COL18A1: variants seen among roughly 807,000 people sequenced by gnomAD.
COL18A1 encodes collagen type XVIII alpha 1 chain.
COL18A1 carries 133 observed loss-of-function variants against 168.0 expected under a neutral mutation model. The observed-to-expected ratio is 0.79, with a 90% CI of 0.69 to 0.91. The LOEUF (loss-of-function observed/expected upper bound fraction) is 0.91. COL18A1 is among the 40% of genes least tolerant of loss of function. The pLI is 0.00. For synonymous variants in COL18A1, 949 were observed against 809.0 expected, an observed-to-expected ratio of 1.17 and a Z score of -2.94; for missense variants, 2,126 against 1,925.4, an observed-to-expected ratio of 1.10 and a Z score of -1.95.
intron 37 of COL18A1, chr21:45,506,472 G>A (rs1451873131): frequency 7.6e-6 from 2 of 261,596 alleles, no homozygotes; most frequent in Non-Finnish European, 1.5e-5. Flanking sequence ...ACACACCTGG[G>A]ATTGCCCCTT....
intron 22 of COL18A1, among the ~76,000 whole-genome samples, chr21:45,491,990 A>G (rs1194379853): frequency 2.0e-5 from 3 of 152,286 alleles, no homozygotes; most frequent in Admixed American, 1.3e-4. Context: ...CAGAGCTGAG[A>G]GCAGGCACCG....
rs554244482 is a variant in COL18A1, at chr21:45,449,261, G to A, written c.107-18981G>A. 9.2e-5 allele frequency among the ~76,000 whole-genome samples: 14 copies of A among 152,304 alleles called. No homozygotes were observed. In the East Asian group the frequency reaches 1.7e-3, roughly 19 times the overall value. ...TGGCTCACATGGGCTTCCAGCTGCC[G>A]CCGGCCAGGTGCGGGGAGAAGAGGC... On this transcript the variant is annotated intron_variant, in intron 2 of 41. Transcript: ENST00000651438.
chr21:45,443,863 G>A lies in COL18A1; in HGVS notation c.107-24379G>A, dbSNP rs143519047. Among the ~76,000 whole-genome samples, 5 of 152,300 alleles carry A rather than the reference G, an allele frequency of 3.3e-5. No individual in the cohort carries two copies. Among genetic ancestry groups the A allele is most frequent in the African/African-American group, 9.6e-5 (4 of 41,554 alleles). ...CATGATCCCCTAGATGCGTCCGAGG[G>A]ACACTGGACATCTGGTGGCCCTCCA... On this transcript the variant is annotated intron_variant, in intron 2 of 41. Transcript: ENST00000651438. The surrounding 1 kb of genome is among the most constrained non-coding windows in gnomAD (Gnocchi z 5.2).
chr21:45,503,664 A>T (rs1002189543), intron 32 of COL18A1, among the ~76,000 whole-genome samples: 2 of 149,152 alleles, frequency 1.3e-5, no homozygotes, highest in Admixed American at 6.7e-5. Flanking sequence ...GAGGGATAGC[A>T]TTGGGAGATA....
chr21:45,510,025 G>C, intron 39 of COL18A1, 39 bp from the exon 40 acceptor site: 1 of 1,535,382 alleles, frequency 6.5e-7, no homozygotes, highest in Non-Finnish European at 8.7e-7. Flanking sequence ...GCAGGGGGCA[G>C]CGTGGGACAC....
In COL18A1 at chr21:45,473,341, G is replaced by A. The variant is rs191840081; in HGVS notation, c.652-554G>A. Among the ~76,000 whole-genome samples the A allele has an allele frequency of 1.8e-3, 273 of 152,360 alleles. No homozygotes were observed. Among genetic ancestry groups the A allele is most frequent in the Middle Eastern group, 3.4e-3 (1 of 294 alleles). On this transcript the variant is annotated intron_variant, in intron 3 of 41. Transcript: ENST00000651438. This position sits in a 1 kb window ranked among gnomAD's most constrained non-coding sequence, Gnocchi z 4.0. Reference sequence around the variant, plus strand: ...GAGTGAGTGAGATTGGGTCCGGACGGAATGGGCGCAGAGATCCAGGAAACT... The same window carrying A: ...GAGTGAGTGAGATTGGGTCCGGACGAAATGGGCGCAGAGATCCAGGAAACT...
At chr21:45,410,969 G>C (rs1457958795) in intron 2 of COL18A1, among the ~76,000 whole-genome samples, 3 of 152,248 alleles carry the variant, frequency 2.0e-5, no homozygotes, top group Non-Finnish European at 4.4e-5. Flanking sequence ...ACACCCTATG[G>C]CCTCAGGAAC....
intron 2 of COL18A1, among the ~76,000 whole-genome samples, chr21:45,451,147 C>T (rs1041339850): frequency 3.9e-5 from 6 of 152,220 alleles, no homozygotes; most frequent in East Asian, 1.9e-4. Context: ...AGAGTGGCTG[C>T]GTGCGGGTAG....
chr21:45,491,311 G>A lies in COL18A1; in HGVS notation c.2154G>A (p.Gln718=). 2 of 1,610,512 alleles carry A rather than the reference G, an allele frequency of 1.2e-6. No individual in the cohort carries two copies. The highest frequency in any genetic ancestry group is 1.1e-5 in the South Asian group (1 of 90,982). ...GACCTGTGGTCTACGTGTCGGAGCA[G>A]GACGTAAGGACGCTGCGTGGGTGGG... The part of the protein sequence containing the change: ...PPGPVVYVSE[Q]DGSVLSVPGP... The change falls in exon 22 of 42, where the codon CAG becomes CAA. Residue 718 remains glutamine, a synonymous_variant. Coordinates refer to ENST00000651438, the MANE Select transcript of COL18A1 (RefSeq NM_001379500.1).
chr21:45,437,590 ACACT>A (rs1329270299), intron 2 of COL18A1, among the ~76,000 whole-genome samples: 1 of 80,164 alleles, frequency 1.2e-5, no homozygotes, highest in Admixed American at 1.2e-4. Context: ...GTACACACAC[ACACT>A]CACACACTCA....
intron 38 of COL18A1, among the ~76,000 whole-genome samples, chr21:45,508,684 A>C (rs1479578645): frequency 6.6e-6 from 1 of 152,146 alleles, no homozygotes; most frequent in East Asian, 1.9e-4. Flanking sequence ...CTGTCTCCTC[A>C]CAGGGTTCAG....
chr21:45,486,883 C>T lies in COL18A1; in HGVS notation c.1724C>T (p.Pro575Leu), dbSNP rs1006847529. Reference protein sequence around the residue: ...GHKGSKGAPGPAGARGESGLA... With the variant: ...GHKGSKGAPGLAGARGESGLA... ...CAGGGGAGCAAGGGAGCCCCCGGTC[C>T]TGCTGGTGCTCGTGGGGAGAGCGGC... The change falls in exon 16 of 42, where the codon CCT (proline) becomes CTT (leucine). Residue 575 changes from proline to leucine, a missense_variant. Pro to Leu is a moderately conservative substitution (Grantham distance 98). Transcript: ENST00000651438. The T allele has an allele frequency of 2.6e-6, 4 of 1,528,668 alleles. No homozygotes were observed. The highest frequency in any genetic ancestry group is 3.5e-6 in the Non-Finnish European group (4 of 1,138,172). 94.7% of individuals were successfully genotyped at this position (1,528,668 alleles called of 1,614,324 possible).
intron 2 of COL18A1, among the ~76,000 whole-genome samples, chr21:45,440,659 G>C (rs1218479160): frequency 6.6e-6 from 1 of 151,772 alleles, no homozygotes; most frequent in Non-Finnish European, 1.5e-5. Context: ...GCTGGGGTTT[G>C]AGCCACGTTC....
intron 2 of COL18A1, among the ~76,000 whole-genome samples, chr21:45,414,216 C>T (rs1222405022): frequency 6.6e-6 from 1 of 152,182 alleles, no homozygotes; most frequent in Admixed American, 6.5e-5. Flanking sequence ...CCATGGTGTG[C>T]CTGTGCCTGG....
At chr21:45,418,167 C>A (rs1254626801) in intron 2 of COL18A1, among the ~76,000 whole-genome samples, 4 of 152,260 alleles carry the variant, frequency 2.6e-5, no homozygotes, top group African/African-American at 9.6e-5. Flanking sequence ...GGCTCTGACT[C>A]CGAGCTCTTT....
chr21:45,501,887 C>T (rs1329676521), intron 32 of COL18A1, among the ~76,000 whole-genome samples: 2 of 116,754 alleles, frequency 1.7e-5, no homozygotes, highest in Non-Finnish European at 3.7e-5. Context: ...CGGTCACCTC[C>T]CTCTGCAGAA....
In COL18A1 at chr21:45,441,541, C is replaced by T. The variant is rs1287982480; in HGVS notation, c.107-26701C>T. On this transcript the variant is annotated intron_variant, in intron 2 of 41. Transcript: ENST00000651438. ...GGTGCCCCCACCGGGTCCTCCAGTC[C>T]TGCTGCCCGGTGGCTCTGGCCATGG... is the stretch of plus-strand genomic sequence containing the variant. Among the ~76,000 whole-genome samples, 6 of 152,324 alleles carry T rather than the reference C, an allele frequency of 3.9e-5. No individual in the cohort carries two copies. In the East Asian group the frequency reaches 9.7e-4, roughly 25 times the overall value.
At chr21:45,493,274 G>A in intron 25 of COL18A1, 49 bp downstream of exon 25, 1 of 1,540,510 alleles carries the variant, frequency 6.5e-7, no homozygotes, top group South Asian at 1.2e-5. Flanking sequence ...ACCCAGGGGT[G>A]GCTCCAGCCT....
chr21:45,472,738 G>A (rs574276136), intron 3 of COL18A1, among the ~76,000 whole-genome samples: 1 of 152,314 alleles, frequency 6.6e-6, no homozygotes, highest in Admixed American at 6.5e-5. Context: ...GCTCTGTGAG[G>A]CTGAGAACCG....
Sources: allele counts gnomAD v4.1 joint callset (sites outside exome capture counted in the v4.1 genomes callset), GRCh38; gene constraint gnomAD v4.1.1; non-coding constraint Gnocchi (gnomAD v3.1); transcripts MANE v1.5; gene names NCBI Gene and HGNC (gene_info 2026-07-23, HGNC 2026-07-21).